Variants in XXYLT1 observed in about 807,000 individuals in gnomAD.
XXYLT1 encodes the protein xyloside xylosyltransferase 1, also known as UDP-xylose:alpha-xyloside alpha-1,3-xylosyltransferase.
XXYLT1 carries 20 observed loss-of-function variants against 28.9 expected under a neutral mutation model. The ratio of observed to expected loss-of-function variants is 0.69; its 90% confidence interval spans 0.49 to 1.00. The LOEUF (loss-of-function observed/expected upper bound fraction) is 1.00. XXYLT1 is among the 50% of genes least tolerant of loss of function. XXYLT1 has a pLI of 0.00. For missense variants in XXYLT1, 542 were observed against 560.1 expected (o/e 0.97, Z 0.33); for synonymous variants, 257 against 253.8 (o/e 1.01, Z -0.12).
intron 3 of XXYLT1, among the ~76,000 whole-genome samples, chr3:195,148,696 A>AT (rs766881350): frequency 1.3e-5 from 2 of 152,160 alleles, no homozygotes; most frequent in Non-Finnish European, 2.9e-5. Flanking sequence ...CTGCAGAGAG[A>AT]TGGAAAGTGT....
chr3:195,253,969 C>T (rs1346220455), intron 1 of XXYLT1, among the ~76,000 whole-genome samples: 1 of 152,228 alleles, frequency 6.6e-6, no homozygotes, highest in African/African-American at 2.4e-5. Context: ...TAAAGGGTAA[C>T]ACCAGAGGGA....
intron 2 of XXYLT1, among the ~76,000 whole-genome samples, chr3:195,163,923 T>C (rs1222834527): frequency 2.0e-5 from 3 of 152,242 alleles, no homozygotes; most frequent in Admixed American, 6.5e-5. Flanking sequence ...TGACTTTGCT[T>C]CCTGCAATGA....
intron 2 of XXYLT1, among the ~76,000 whole-genome samples, chr3:195,165,323 C>T (rs1047844236): frequency 6.6e-6 from 1 of 152,124 alleles, no homozygotes; most frequent in Non-Finnish European, 1.5e-5. Flanking sequence ...GAAGCACCAA[C>T]AACCAAGAGA....
intron 2 of XXYLT1, among the ~76,000 whole-genome samples, chr3:195,169,029 C>G (rs915637319): frequency 6.6e-6 from 1 of 152,234 alleles, no homozygotes; most frequent in Non-Finnish European, 1.5e-5. Context: ...CTATCCCTGA[C>G]AGTTCCGTGG....
chr3:195,160,275 A>T (rs950869317), intron 2 of XXYLT1, among the ~76,000 whole-genome samples: 7 of 152,188 alleles, frequency 4.6e-5, no homozygotes, highest in African/African-American at 1.7e-4. Flanking sequence ...TGGGAAACAC[A>T]ACAGGCCTTC....
At chr3:195,083,156 A>G (rs533925617) in intron 3 of XXYLT1, among the ~76,000 whole-genome samples, 1 of 152,222 alleles carries the variant, frequency 6.6e-6, no homozygotes, top group African/African-American at 2.4e-5. Context: ...CCATGACCCT[A>G]GTGCTTGCCT....
Position 195,165,621 on chromosome 3 carries a change from C to A in XXYLT1, c.653-9040G>T, listed in dbSNP as rs185990227. Among the ~76,000 whole-genome samples, 148 of 152,244 alleles carry A rather than the reference C, an allele frequency of 9.7e-4. 1 individual carries two copies. The highest frequency in any genetic ancestry group is 3.4e-3 in the African/African-American group (143 of 41,558). On this transcript the variant is annotated intron_variant, in intron 2 of 3. Coordinates refer to ENST00000310380, the MANE Select transcript of XXYLT1 (RefSeq NM_152531.5). ...CCTTAATCTTTTCAGTAGCAAATAT[C>A]TTTTACCCTGTGACAGTTTGCAAAC...
chr3:195,239,151 G>A (rs987447982), intron 1 of XXYLT1, among the ~76,000 whole-genome samples: 4 of 152,232 alleles, frequency 2.6e-5, no homozygotes, highest in Non-Finnish European at 5.9e-5. Flanking sequence ...AAATGAGTAT[G>A]CTTCATGGAA....
At position 195,257,409 on chromosome 3, in the gene XXYLT1, C is replaced by T. The variant is rs1725519085; in HGVS notation, c.504+13146G>A. Reference sequence around the variant, plus strand: ...GCAGGAGCCAGGGGAAAGGGGCTCACCAGGGTGGAGGTGAGAGGTAGGTCC... The same window carrying T: ...GCAGGAGCCAGGGGAAAGGGGCTCATCAGGGTGGAGGTGAGAGGTAGGTCC... On this transcript the variant is annotated intron_variant, in intron 1 of 3. Transcript: ENST00000310380. The surrounding 1 kb of genome is among the most constrained non-coding windows in gnomAD (Gnocchi z 4.3). 1.3e-5 allele frequency among the ~76,000 whole-genome samples: 2 copies of T among 152,200 alleles called. No homozygotes were observed. Among genetic ancestry groups the T allele is most frequent in the South Asian group, 4.1e-4 (2 of 4,832 alleles).
At position 195,255,199 on chromosome 3, in the gene XXYLT1, G is replaced by T. The variant is rs1453782527; in HGVS notation, c.504+15356C>A. Among the ~76,000 whole-genome samples the T allele has an allele frequency of 6.6e-6, 1 of 152,204 alleles. No homozygotes were observed. The highest frequency in any genetic ancestry group is 1.5e-5 in the Non-Finnish European group (1 of 68,034). On this transcript the variant is annotated intron_variant, in intron 1 of 3. Coordinates refer to ENST00000310380, the MANE Select transcript of XXYLT1 (RefSeq NM_152531.5). This position sits in a 1 kb window ranked among gnomAD's most constrained non-coding sequence, Gnocchi z 4.5. ...GTCGGACTAAACCAGCAGAAAAGGCGGTTTCCGAGTACCATGCTCGCACAA... is the reference window on the plus strand; with the variant it reads ...GTCGGACTAAACCAGCAGAAAAGGCTGTTTCCGAGTACCATGCTCGCACAA...
chr3:195,227,244 C>A (rs1404693962), intron 1 of XXYLT1, among the ~76,000 whole-genome samples: 2 of 152,192 alleles, frequency 1.3e-5, no homozygotes, highest in African/African-American at 2.4e-5. Context: ...AGTGTGTGAT[C>A]CTCATCACAT....
intron 3 of XXYLT1, among the ~76,000 whole-genome samples, chr3:195,109,256 C>T (rs896540739): frequency 3.3e-5 from 5 of 152,168 alleles, no homozygotes; most frequent in Admixed American, 6.5e-5. Flanking sequence ...AGCCCAGCAG[C>T]GCCTTCACTA....
intron 1 of XXYLT1, 134 bp downstream of exon 1, chr3:195,270,421 C>T (rs989506440): frequency 1.5e-6 from 2 of 1,340,012 alleles, no homozygotes; most frequent in African/African-American, 3.1e-5. Context: ...AGGTTGTGAA[C>T]ACTACATTGC....
chr3:195,215,734 C>T (rs574451101), intron 2 of XXYLT1, among the ~76,000 whole-genome samples: 4 of 151,976 alleles, frequency 2.6e-5, no homozygotes, highest in African/African-American at 9.7e-5. Context: ...GAGACTTTAA[C>T]ACCCCACTGT....
intron 1 of XXYLT1, among the ~76,000 whole-genome samples, chr3:195,260,252 G>GC: frequency 6.6e-6 from 1 of 151,016 alleles, no homozygotes; most frequent in South Asian, 2.1e-4. Flanking sequence ...CCGTGTGTCG[G>GC]CCCCGGGCGG....
At chr3:195,172,858 A>C (rs1455038097) in intron 2 of XXYLT1, among the ~76,000 whole-genome samples, 3 of 152,226 alleles carry the variant, frequency 2.0e-5, no homozygotes, top group Non-Finnish European at 4.4e-5. Flanking sequence ...TGAAAAATCA[A>C]GGAATGCATT....
chr3:195,230,779 A>T (rs1224951951), intron 1 of XXYLT1, among the ~76,000 whole-genome samples: 2 of 152,160 alleles, frequency 1.3e-5, no homozygotes, highest in Non-Finnish European at 2.9e-5. Flanking sequence ...TTTGGTTACT[A>T]TAACTCTGTA....
At chr3:195,156,831 C>T (rs977042263) in intron 2 of XXYLT1, among the ~76,000 whole-genome samples, 5 of 152,146 alleles carry the variant, frequency 3.3e-5, no homozygotes, top group East Asian at 1.9e-4. Flanking sequence ...TAAAACTAGG[C>T]GACCACACGC....
chr3:195,157,781 C>T (rs1480087238), intron 2 of XXYLT1, among the ~76,000 whole-genome samples: 2 of 152,164 alleles, frequency 1.3e-5, no homozygotes, highest in Admixed American at 6.5e-5. Flanking sequence ...GATGAAGCAG[C>T]GAGAGCAAGT....
Sources: allele counts gnomAD v4.1 joint callset (sites outside exome capture counted in the v4.1 genomes callset), GRCh38; gene constraint gnomAD v4.1.1; non-coding constraint Gnocchi (gnomAD v3.1); transcripts MANE v1.5; gene names NCBI Gene and HGNC (gene_info 2026-07-23, HGNC 2026-07-21).